The following COLEC12 variants were observed in gnomAD, a reference collection of about 807,000 sequenced individuals.
The protein encoded by COLEC12 is collectin-12.
Under a neutral mutation model 71.1 loss-of-function variants are expected in COLEC12, and 33 were observed. That is an observed-to-expected ratio of 0.46 (90% CI 0.35 to 0.62). COLEC12 has a LOEUF of 0.62. COLEC12 is among the 20% of genes least tolerant of loss of function. COLEC12 has a pLI of 0.00. For missense variants in COLEC12, 765 were observed against 916.1 expected (o/e 0.84, Z 2.13); for synonymous variants, 350 against 353.0 (o/e 0.99, Z 0.10).
intron 5 of COLEC12, among the ~76,000 whole-genome samples, chr18:339,618 G>A (rs1914200408): frequency 6.6e-6 from 1 of 152,112 alleles, no homozygotes. Context: ...TAATATTCCT[G>A]GCTGTGGCTA....
rs559065052 is a variant in COLEC12, at chr18:467,358, T to C, written c.58+13349A>G. 1.2e-3 allele frequency among the ~76,000 whole-genome samples: 180 copies of C among 152,330 alleles called. 2 individuals carry two copies. Among genetic ancestry groups the C allele is most frequent in the African/African-American group, 4.2e-3 (174 of 41,582 alleles). On this transcript the variant is annotated intron_variant, in intron 2 of 9. Coordinates refer to ENST00000400256, the MANE Select transcript of COLEC12 (RefSeq NM_130386.3). ...CACAGAGGACCACTGGATACCCTTT[T>C]GTGTATATGGATTCTAATACTTGAA...
intron 2 of COLEC12, among the ~76,000 whole-genome samples, chr18:386,269 T>TGTA (rs1396903446): frequency 1.3e-5 from 2 of 152,208 alleles, no homozygotes; most frequent in African/African-American, 4.8e-5. Flanking sequence ...GAGCACCAAC[T>TGTA]GTACAAGTCA....
At chr18:366,016 C>A (rs1022363846) in intron 2 of COLEC12, among the ~76,000 whole-genome samples, 4 of 152,190 alleles carry the variant, frequency 2.6e-5, no homozygotes, top group African/African-American at 7.2e-5. Flanking sequence ...CAGAATTCTG[C>A]CCACATCACC....
chr18:467,312 G>A (rs1917107453), intron 2 of COLEC12, among the ~76,000 whole-genome samples: 1 of 152,276 alleles, frequency 6.6e-6, no homozygotes, highest in East Asian at 1.9e-4. Flanking sequence ...CTCTCTTGGA[G>A]GAAGGAAAAA....
intron 3 of COLEC12, among the ~76,000 whole-genome samples, chr18:348,502 A>G (rs1914435844): frequency 6.6e-6 from 1 of 152,216 alleles, no homozygotes; most frequent in Non-Finnish European, 1.5e-5. Flanking sequence ...ATTAATTTCC[A>G]TAGATGAAGG....
At chr18:461,453 C>A (rs1916981577) in intron 2 of COLEC12, among the ~76,000 whole-genome samples, 1 of 152,178 alleles carries the variant, frequency 6.6e-6, no homozygotes, top group Non-Finnish European at 1.5e-5. Context: ...GTGGCCTGAT[C>A]ATAGCTCACT....
At chr18:380,464 C>T (rs1915205508) in intron 2 of COLEC12, among the ~76,000 whole-genome samples, 1 of 138,904 alleles carries the variant, frequency 7.2e-6, no homozygotes, top group Admixed American at 7.6e-5. Flanking sequence ...AATCATCAGT[C>T]ATTGTAATAG....
chr18:387,774 CTGTATAACCCAG>C (rs1260480654), intron 2 of COLEC12, among the ~76,000 whole-genome samples: 14 of 152,188 alleles, frequency 9.2e-5, no homozygotes, highest in African/African-American at 3.1e-4. Context: ...AGTGTAATCA[CTGTATAACCCAG>C]TGTGTAATTT....
At chr18:320,319 AC>A (rs1474452058) in intron 9 of COLEC12, among the ~76,000 whole-genome samples, 3 of 152,222 alleles carry the variant, frequency 2.0e-5, no homozygotes, top group Admixed American at 2.0e-4. Flanking sequence ...AAATGGCCAA[AC>A]AAAGCATACA....
intron 1 of COLEC12, among the ~76,000 whole-genome samples, chr18:481,456 G>T (rs1449741951): frequency 6.6e-6 from 1 of 152,206 alleles, no homozygotes; most frequent in Non-Finnish European, 1.5e-5. Context: ...TGTAATCCCA[G>T]GACTTTGGGA....
chr18:352,038 A>G (rs1191052464), intron 3 of COLEC12, among the ~76,000 whole-genome samples: 2 of 152,186 alleles, frequency 1.3e-5, no homozygotes, highest in Non-Finnish European at 2.9e-5. Context: ...CAACCAACCC[A>G]GGGAAGCCTG....
At chr18:393,856 A>C (rs1038897428) in intron 2 of COLEC12, among the ~76,000 whole-genome samples, 1 of 152,238 alleles carries the variant, frequency 6.6e-6, no homozygotes, top group African/African-American at 2.4e-5. Context: ...ATGTTCAACA[A>C]ATGTCTACAA....
At chr18:400,436 G>A (rs767324581) in intron 2 of COLEC12, among the ~76,000 whole-genome samples, 1 of 152,178 alleles carries the variant, frequency 6.6e-6, no homozygotes, top group African/African-American at 2.4e-5. Flanking sequence ...TGACTTGACT[G>A]TGTTTCAGTA....
intron 2 of COLEC12, among the ~76,000 whole-genome samples, chr18:456,985 G>C (rs1415010582): frequency 6.6e-6 from 1 of 152,222 alleles, no homozygotes; most frequent in East Asian, 1.9e-4. Flanking sequence ...CTTAAAGACA[G>C]TATTTTACTG....
At chr18:410,818 T>G (rs1915879417) in intron 2 of COLEC12, among the ~76,000 whole-genome samples, 1 of 151,982 alleles carries the variant, frequency 6.6e-6, no homozygotes, top group Admixed American at 6.6e-5. Context: ...AAAGCTCATC[T>G]CTTCAGGAAT....
intron 2 of COLEC12, among the ~76,000 whole-genome samples, chr18:414,540 G>A (rs556152440): frequency 1.3e-5 from 2 of 152,334 alleles, no homozygotes; most frequent in Admixed American, 1.3e-4. Flanking sequence ...GGAGGTTGCA[G>A]TGAGCCGAGA....
intron 8 of COLEC12, among the ~76,000 whole-genome samples, chr18:328,360 C>T (rs886354304): frequency 6.6e-6 from 1 of 152,066 alleles, no homozygotes; most frequent in Non-Finnish European, 1.5e-5. Context: ...GGTAGGAGAC[C>T]CTTGAGAGCC....
At chr18:479,567 C>T (rs528707520) in intron 2 of COLEC12, among the ~76,000 whole-genome samples, 10 of 146,668 alleles carry the variant, frequency 6.8e-5, no homozygotes, top group East Asian at 2.0e-4. Flanking sequence ...CACACAGAAA[C>T]GCACACACAC....
chr18:343,385 C>T (rs1046180717), intron 5 of COLEC12, among the ~76,000 whole-genome samples: 11 of 151,968 alleles, frequency 7.2e-5, no homozygotes, highest in South Asian at 2.1e-4. Context: ...AAGGGATGCC[C>T]TTGATTCTAT....
Sources: allele counts gnomAD v4.1 joint callset (sites outside exome capture counted in the v4.1 genomes callset), GRCh38; gene constraint gnomAD v4.1.1; transcripts MANE v1.5; gene names NCBI Gene and HGNC (gene_info 2026-07-23, HGNC 2026-07-21).